The following CALN1 variants were observed in gnomAD, a reference collection of about 807,000 sequenced individuals.
CALN1 encodes the protein calneuron 1.
CALN1 carries 17 observed loss-of-function variants against 30.6 expected under a neutral mutation model. That is an observed-to-expected ratio of 0.56 (90% CI 0.38 to 0.83). CALN1 has a LOEUF of 0.83. CALN1 is among the 40% of genes least tolerant of loss of function. The probability of loss-of-function intolerance (pLI) is 0.00; values close to 1 mark genes in which losing one functional copy is unlikely to be tolerated. For synonymous variants in CALN1, 156 were observed against 131.4 expected (o/e 1.19, Z -1.28); for missense variants, 291 against 354.9 (o/e 0.82, Z 1.45).
At chr7:71,875,120 A>G (rs1306453487) in intron 5 of CALN1, among the ~76,000 whole-genome samples, 1 of 144,998 alleles carries the variant, frequency 6.9e-6, no homozygotes, top group East Asian at 2.1e-4. Context: ...AGTTGAGATC[A>G]TACCATTGTA....
chr7:71,903,307 A>G (rs764966819), intron 5 of CALN1, among the ~76,000 whole-genome samples: 3 of 152,152 alleles, frequency 2.0e-5, no homozygotes, highest in Admixed American at 6.6e-5. Context: ...AAAAAATACT[A>G]TGAAGCTATA....
At chr7:72,076,870 G>A (rs1253289203) in intron 4 of CALN1, among the ~76,000 whole-genome samples, 4 of 152,042 alleles carry the variant, frequency 2.6e-5, no homozygotes, top group Non-Finnish European at 4.4e-5. Flanking sequence ...AAAACACATC[G>A]TTCTAAGTGT....
the CALN1 span, among the ~76,000 whole-genome samples, chr7:72,464,057 GAGAA>G: frequency 1.4e-4 from 20 of 146,592 alleles, no homozygotes; most frequent in South Asian, 4.3e-4. Context: ...AAAGAAGAAA[GAGAA>G]AGAAAGAAAG....
intron 3 of CALN1, among the ~76,000 whole-genome samples, chr7:72,253,632 A>G (rs1034136098): frequency 6.6e-6 from 1 of 152,244 alleles, no homozygotes; most frequent in Non-Finnish European, 1.5e-5. Flanking sequence ...TAAGAACAGC[A>G]CGGGGGAACT....
chr7:71,920,874 T>C (rs1261256111), intron 5 of CALN1, among the ~76,000 whole-genome samples: 2 of 152,170 alleles, frequency 1.3e-5, no homozygotes, highest in Non-Finnish European at 2.9e-5. Context: ...CAAAAGATTA[T>C]AAATCATTCT....
Position 72,177,396 on chromosome 7 carries a change from GT to G in CALN1, c.245-71103del, listed in dbSNP as rs570865365. Among the ~76,000 whole-genome samples, 46 of 152,238 alleles carry G rather than the reference GT, an allele frequency of 3.0e-4. 1 individual carries two copies. The South Asian group carries it at 9.4e-3, about 31-fold the overall frequency. On this transcript the variant is annotated intron_variant, in intron 3 of 6. Transcript: ENST00000395275. ...ATGTAAGACTGATCAGCAGCTCAGGGTTTTTGTTAATTAATTTTTGATTATT... is the reference window on the plus strand; with the variant it reads ...ATGTAAGACTGATCAGCAGCTCAGGGTTTTGTTAATTAATTTTTGATTATT...
At chr7:72,268,625 G>A (rs906665978) in intron 3 of CALN1, among the ~76,000 whole-genome samples, 1 of 152,026 alleles carries the variant, frequency 6.6e-6, no homozygotes, top group African/African-American at 2.4e-5. Flanking sequence ...GGGCAACATG[G>A]CAAACCCTGT....
At chr7:71,978,940 T>C (rs189749050) in intron 5 of CALN1, among the ~76,000 whole-genome samples, 17 of 152,352 alleles carry the variant, frequency 1.1e-4, no homozygotes, top group Admixed American at 1.1e-3. Flanking sequence ...CAAATGCTTT[T>C]GTTCAGTACT....
intron 5 of CALN1, among the ~76,000 whole-genome samples, chr7:72,015,978 G>T (rs1800356590): frequency 6.6e-6 from 1 of 152,160 alleles, no homozygotes; most frequent in Admixed American, 6.5e-5. Context: ...GCCAGGCACG[G>T]TGGCTCACAC....
intron 3 of CALN1, among the ~76,000 whole-genome samples, chr7:72,261,644 T>A (rs1393678218): frequency 6.6e-6 from 1 of 152,084 alleles, no homozygotes; most frequent in South Asian, 2.1e-4. Context: ...CCCAGGCAAG[T>A]CTCAAATTCC....
At chr7:71,868,255 T>C (rs867704842) in intron 5 of CALN1, among the ~76,000 whole-genome samples, 5 of 152,146 alleles carry the variant, frequency 3.3e-5, no homozygotes, top group Admixed American at 2.0e-4. Context: ...ATAGGAAGCA[T>C]GGAGGCTTCT....
chr7:72,006,824 C>T (rs2129528926), intron 5 of CALN1, among the ~76,000 whole-genome samples: 1 of 152,266 alleles, frequency 6.6e-6, no homozygotes, highest in South Asian at 2.1e-4. Flanking sequence ...ATCTCAGCTC[C>T]TCCAACCCTA....
At chr7:72,460,629 C>A in the CALN1 span, among the ~76,000 whole-genome samples, 2 of 151,778 alleles carry the variant, frequency 1.3e-5, no homozygotes, top group Non-Finnish European at 2.9e-5. Flanking sequence ...GAGACTCAGT[C>A]TCAAAAAAAA....
chr7:72,498,920 TGACTCATACACA>T, the CALN1 span, among the ~76,000 whole-genome samples: 1 of 152,138 alleles, frequency 6.6e-6, no homozygotes, highest in Non-Finnish European at 1.5e-5. Flanking sequence ...TAAGATAAAT[TGACTCATACACA>T]GACTCATACG....
chr7:72,065,124 TA>T (rs1032839700), intron 4 of CALN1, among the ~76,000 whole-genome samples: 6 of 148,094 alleles, frequency 4.1e-5, no homozygotes, highest in Non-Finnish European at 5.9e-5. Context: ...TTAATATATG[TA>T]AAATATATTT....
rs539986720 is a variant in CALN1, at chr7:72,320,669, T to C, written c.120-41859A>G. The stretch of plus-strand genomic sequence containing the variant: ...GGCCAACATGGCAAAACCCCATCTC[T>C]ACTAAAAATACAAAAATTACCCAGG... On this transcript the variant is annotated intron_variant, in intron 2 of 6. Coordinates refer to ENST00000395275, the MANE Select transcript of CALN1 (RefSeq NM_031468.4). Among the ~76,000 whole-genome samples, 4 of 151,926 alleles carry C rather than the reference T, an allele frequency of 2.6e-5. No homozygotes were observed. In the East Asian group the frequency reaches 5.8e-4, roughly 22 times the overall value.
upstream of CALN1, chr7:72,412,338 C>CA (rs1562959257): frequency 1.3e-5 from 2 of 151,990 alleles, no homozygotes; most frequent in African/African-American, 4.8e-5. Context: ...CAGCGAGCTT[C>CA]CCCAGCGGGC....
chr7:72,355,281 T>G (rs1040837081), intron 2 of CALN1, among the ~76,000 whole-genome samples: 4 of 152,210 alleles, frequency 2.6e-5, no homozygotes, highest in Middle Eastern at 3.2e-3. Flanking sequence ...ATCTCAGCAC[T>G]TGGGGAGGCC....
intron 4 of CALN1, among the ~76,000 whole-genome samples, chr7:72,040,528 T>A (rs995926210): frequency 6.6e-6 from 1 of 152,150 alleles, no homozygotes; most frequent in East Asian, 1.9e-4. Context: ...ATTTAAAAAG[T>A]GTTATGGACT....
Sources: allele counts gnomAD v4.1 joint callset (sites outside exome capture counted in the v4.1 genomes callset), GRCh38; gene constraint gnomAD v4.1.1; transcripts MANE v1.5; gene names NCBI Gene and HGNC (gene_info 2026-07-23, HGNC 2026-07-21).